Variants in CCSER1 observed in about 807,000 individuals in gnomAD.
The protein encoded by CCSER1 is coiled-coil serine rich protein 1.
A neutral mutation model predicts 82.0 loss-of-function variants in CCSER1; 41 were observed. The ratio of observed to expected loss-of-function variants is 0.50; its 90% confidence interval spans 0.39 to 0.65. The LOEUF is 0.65. CCSER1 is among the 30% of genes least tolerant of loss of function. CCSER1 has a pLI of 0.00. For synonymous variants in CCSER1, 414 were observed against 383.9 expected (o/e 1.08, Z -0.92); for missense variants, 1,119 against 1,064.2 (o/e 1.05, Z -0.72).
chr4:90,272,345 A>C (rs1358010305), intron 1 of CCSER1, among the ~76,000 whole-genome samples: 1 of 152,174 alleles, frequency 6.6e-6, no homozygotes, highest in African/African-American at 2.4e-5. Context: ...TACAAATTAA[A>C]ACTGCAAAGA....
chr4:91,441,599 T>C (rs560237659), intron 10 of CCSER1, among the ~76,000 whole-genome samples: 172 of 152,152 alleles, frequency 1.1e-3, no homozygotes, highest in Non-Finnish European at 2.0e-3. Flanking sequence ...CTATTCCACA[T>C]AGTGTTGGAA....
chr4:91,550,758 C>G (rs1762123910), intron 10 of CCSER1, among the ~76,000 whole-genome samples: 1 of 152,052 alleles, frequency 6.6e-6, no homozygotes, highest in South Asian at 2.1e-4. Flanking sequence ...GAAAGAATAA[C>G]TGAATGAAAT....
In CCSER1 at chr4:90,200,061, G is replaced by GACACACACACACACACACACACAC. The variant is rs71596519; in HGVS notation, c.-42+72239_-42+72262dup. ...CCACTCCCTGACATGCGTGCACGCAGACACACACACACACACACACACACA... is the reference window on the plus strand; with the variant it reads ...CCACTCCCTGACATGCGTGCACGCAGACACACACACACACACACACACACACACACACACACACACACACACACA... On this transcript the variant is annotated intron_variant, in intron 1 of 10. Transcript: ENST00000509176. Among the ~76,000 whole-genome samples, 6 of 144,954 alleles carry GACACACACACACACACACACACAC rather than the reference G, an allele frequency of 4.1e-5. No homozygotes were observed. In the East Asian group the frequency reaches 1.1e-3, roughly 26 times the overall value.
chr4:90,544,889 C>A (rs1459611026), intron 5 of CCSER1, among the ~76,000 whole-genome samples: 3 of 152,146 alleles, frequency 2.0e-5, no homozygotes, highest in Non-Finnish European at 2.9e-5. Context: ...GTAAGCAGAT[C>A]TCTCTGGGGA....
chr4:90,704,584 C>A (rs929634551), intron 6 of CCSER1, among the ~76,000 whole-genome samples: 1 of 152,204 alleles, frequency 6.6e-6, no homozygotes, highest in African/African-American at 2.4e-5. Flanking sequence ...AAGTTGGTTC[C>A]ATTCTCCCCA....
chr4:91,108,510 C>G (rs537404858), intron 10 of CCSER1, among the ~76,000 whole-genome samples: 1 of 152,158 alleles, frequency 6.6e-6, no homozygotes, highest in African/African-American at 2.4e-5. Flanking sequence ...ATACCATTGT[C>G]AAACCAAATC....
chr4:91,259,240 C>T (rs1295309653), intron 10 of CCSER1, among the ~76,000 whole-genome samples: 3 of 152,046 alleles, frequency 2.0e-5, no homozygotes, highest in African/African-American at 7.2e-5. Flanking sequence ...GCAGATTTGT[C>T]GCTTCATTCC....
At chr4:91,323,178 G>A (rs777580151) in intron 10 of CCSER1, among the ~76,000 whole-genome samples, 5 of 152,090 alleles carry the variant, frequency 3.3e-5, no homozygotes, top group Non-Finnish European at 5.9e-5. Context: ...CAAGATACCT[G>A]GCAATCCTGA....
chr4:90,925,409 ATGTT>A (rs977950198), intron 9 of CCSER1, among the ~76,000 whole-genome samples: 6 of 152,196 alleles, frequency 3.9e-5, no homozygotes, highest in African/African-American at 1.4e-4. Flanking sequence ...TAAAGAAACA[ATGTT>A]TGGGAGACAG....
At chr4:90,474,030 A>C (rs1470409468) in intron 5 of CCSER1, among the ~76,000 whole-genome samples, 1 of 152,002 alleles carries the variant, frequency 6.6e-6, no homozygotes, top group Non-Finnish European at 1.5e-5. Flanking sequence ...AGTTCCAGCT[A>C]CTTGAGAGGC....
At chr4:91,564,318 A>G (rs1358671874) in intron 10 of CCSER1, among the ~76,000 whole-genome samples, 1 of 151,836 alleles carries the variant, frequency 6.6e-6, no homozygotes, top group Non-Finnish European at 1.5e-5. Flanking sequence ...GGTTGATTCC[A>G]TGTCTTTGGT....
chr4:90,172,829 G>T (rs1388097923), intron 1 of CCSER1, among the ~76,000 whole-genome samples: 1 of 151,878 alleles, frequency 6.6e-6, no homozygotes, highest in Non-Finnish European at 1.5e-5. Flanking sequence ...CAATATGTGT[G>T]CCTGGTGGTA....
rs536268931 is a variant in CCSER1, at chr4:91,418,005, G to A, written c.2218-180567G>A. Reference sequence around the variant, plus strand: ...AAAATCAACAACAGGAAGAAAAATCGAAAATTGGTAAACAGTGACTTGACA... The same window carrying A: ...AAAATCAACAACAGGAAGAAAAATCAAAAATTGGTAAACAGTGACTTGACA... On this transcript the variant is annotated intron_variant, in intron 10 of 10. Transcript: ENST00000509176. 1.2e-4 allele frequency among the ~76,000 whole-genome samples: 18 copies of A among 151,942 alleles called. No individual in the cohort carries two copies. In the East Asian group the frequency reaches 1.7e-3, roughly 15 times the overall value.
intron 10 of CCSER1, among the ~76,000 whole-genome samples, chr4:91,507,114 G>A (rs1038997038): frequency 2.0e-5 from 3 of 152,118 alleles, no homozygotes; most frequent in Non-Finnish European, 2.9e-5. Context: ...ATTTTTGTGT[G>A]GATATATGTC....
chr4:91,093,560 G>A (rs1724193729), intron 10 of CCSER1, among the ~76,000 whole-genome samples: 1 of 152,198 alleles, frequency 6.6e-6, no homozygotes, highest in African/African-American at 2.4e-5. Flanking sequence ...TGCTTCTTAT[G>A]CTAACAGGAC....
At chr4:91,076,421 A>T (rs1722005811) in intron 9 of CCSER1, among the ~76,000 whole-genome samples, 1 of 151,696 alleles carries the variant, frequency 6.6e-6, no homozygotes, top group South Asian at 2.1e-4. Flanking sequence ...CATGAGTTTC[A>T]TGTTACAATA....
intron 10 of CCSER1, among the ~76,000 whole-genome samples, chr4:91,580,370 A>G (rs1763671325): frequency 6.6e-6 from 1 of 151,832 alleles, no homozygotes; most frequent in Non-Finnish European, 1.5e-5. Flanking sequence ...AGCACATTCC[A>G]TACAGTAGCT....
chr4:90,169,299 A>G (rs1182665811), intron 1 of CCSER1, among the ~76,000 whole-genome samples: 1 of 152,072 alleles, frequency 6.6e-6, no homozygotes, highest in Non-Finnish European at 1.5e-5. Flanking sequence ...GTGTATAGGA[A>G]TGCTTATGAT....
chr4:90,996,743 G>T (rs2150463128), intron 9 of CCSER1, among the ~76,000 whole-genome samples: 1 of 151,918 alleles, frequency 6.6e-6, no homozygotes, highest in South Asian at 2.1e-4. Flanking sequence ...AAATGTTATT[G>T]AAATGAAATC....
Sources: allele counts gnomAD v4.1 joint callset (sites outside exome capture counted in the v4.1 genomes callset), GRCh38; gene constraint gnomAD v4.1.1; transcripts MANE v1.5; gene names NCBI Gene and HGNC (gene_info 2026-07-23, HGNC 2026-07-21).